The following ELAPOR2 variants were observed in gnomAD, a reference collection of about 807,000 sequenced individuals.
ELAPOR2 encodes the protein endosome/lysosome-associated apoptosis and autophagy regulator family member 2.
Under a neutral mutation model 120.7 loss-of-function variants are expected in ELAPOR2, and 89 were observed. That is an observed-to-expected ratio of 0.74 (90% CI 0.62 to 0.88). ELAPOR2 has a LOEUF of 0.88. Among genes scored for constraint, ELAPOR2 ranks in the 40% least tolerant of loss-of-function variants. The probability of loss-of-function intolerance (pLI) is 0.00; values close to 1 mark genes in which losing one functional copy is unlikely to be tolerated. For synonymous variants in ELAPOR2, 444 were observed against 444.9 expected, an observed-to-expected ratio of 1.00 and a Z score of 0.03; for missense variants, 1,134 against 1,251.6, an observed-to-expected ratio of 0.91 and a Z score of 1.42.
chr7:86,967,395 C>A (rs1212017558), intron 1 of ELAPOR2, among the ~76,000 whole-genome samples: 1 of 152,072 alleles, frequency 6.6e-6, no homozygotes, highest in African/African-American at 2.4e-5. Flanking sequence ...GCAGAGGTTG[C>A]AGTGAGCTGA....
chr7:86,962,618 C>T (rs935515660), intron 2 of ELAPOR2, among the ~76,000 whole-genome samples: 4 of 152,090 alleles, frequency 2.6e-5, no homozygotes, highest in African/African-American at 9.7e-5. Context: ...CTAGACCTGC[C>T]GCATCCGGGC....
At chr7:86,931,944 T>C (rs988886030) in intron 8 of ELAPOR2, among the ~76,000 whole-genome samples, 3 of 151,920 alleles carry the variant, frequency 2.0e-5, no homozygotes, top group East Asian at 1.9e-4. Flanking sequence ...CTTTTTCTCT[T>C]TGGGAACTGA....
intron 3 of ELAPOR2, 86 bp from the exon 4 acceptor site, chr7:86,945,132 T>G: frequency 5.6e-6 from 7 of 1,260,222 alleles, no homozygotes; most frequent in Non-Finnish European, 7.7e-6. Flanking sequence ...GATTCACGAG[T>G]AGTTCCATCA....
At chr7:87,045,396 G>A (rs1177616699) in intron 1 of ELAPOR2, among the ~76,000 whole-genome samples, 1 of 150,586 alleles carries the variant, frequency 6.6e-6, no homozygotes, top group Non-Finnish European at 1.5e-5. Context: ...AAGAAAATGT[G>A]GCACATATAC....
At chr7:86,892,888 T>C (rs1385535294) in intron 20 of ELAPOR2, 34 bp downstream of exon 20, 7 of 1,443,590 alleles carry the variant, frequency 4.8e-6, no homozygotes, top group Non-Finnish European at 6.4e-6. Flanking sequence ...ATAGGCCCTC[T>C]AGCTCTCTTG....
rs1790825387 is a variant in ELAPOR2 at position 86,942,105 on chromosome 7, C to A, written c.655-1G>T. On this transcript the variant is annotated splice_acceptor_variant, in intron 4 of 21. Transcript: ENST00000450689. LOFTEE classifies it high-confidence loss of function. Reference sequence around the variant, plus strand: ...TCTCCTGGCACTGATCATTTTGAATCTGTGGATTAAACACAAGAGCCCTAG... The same window carrying A: ...TCTCCTGGCACTGATCATTTTGAATATGTGGATTAAACACAAGAGCCCTAG... 1 of 1,536,680 alleles carries A rather than the reference C, an allele frequency of 6.5e-7. No individual in the cohort carries two copies. Among genetic ancestry groups the A allele is most frequent in the Admixed American group, 2.0e-5 (1 of 50,874 alleles).
intron 15 of ELAPOR2, chr7:86,911,823 C>T (rs1190876562): frequency 1.7e-6 from 1 of 577,186 alleles, no homozygotes; most frequent in African/African-American, 1.9e-5. Flanking sequence ...GCACTTACAC[C>T]ATAGCTCCAA....
At chr7:87,056,383 A>C (rs1562989572) in intron 1 of ELAPOR2, among the ~76,000 whole-genome samples, 1 of 152,210 alleles carries the variant, frequency 6.6e-6, no homozygotes, top group East Asian at 1.9e-4. Flanking sequence ...CCCATACAAA[A>C]ACCTGAGGAA....
intron 1 of ELAPOR2, among the ~76,000 whole-genome samples, chr7:87,014,718 A>T (rs1367647240): frequency 6.6e-6 from 1 of 152,134 alleles, no homozygotes; most frequent in African/African-American, 2.4e-5. Flanking sequence ...AATTTGCAAA[A>T]TTTTTCTCTT....
chr7:86,972,480 A>T (rs1792137200), intron 1 of ELAPOR2, among the ~76,000 whole-genome samples: 1 of 152,106 alleles, frequency 6.6e-6, no homozygotes, highest in South Asian at 2.1e-4. Context: ...TGCTCACAGA[A>T]TGTAAACCTT....
intron 6 of ELAPOR2, 22 bp downstream of exon 6, chr7:86,939,988 A>G: frequency 6.7e-7 from 1 of 1,502,286 alleles, no homozygotes; most frequent in Admixed American, 1.8e-5. Context: ...GGTGACTACT[A>G]AAACAGAATG....
intron 1 of ELAPOR2, among the ~76,000 whole-genome samples, chr7:87,005,276 AT>A (rs1793435826): frequency 6.6e-6 from 1 of 152,174 alleles, no homozygotes; most frequent in African/African-American, 2.4e-5. Flanking sequence ...ATGGCACATA[AT>A]GCTTTGATAA....
At chr7:86,919,977 G>T (rs896968769) in intron 10 of ELAPOR2, among the ~76,000 whole-genome samples, 1 of 152,050 alleles carries the variant, frequency 6.6e-6, no homozygotes, top group African/African-American at 2.4e-5. Flanking sequence ...AGTAAAATGA[G>T]GAAGAGAGAG....
chr7:87,007,620 T>C (rs1467147971), intron 1 of ELAPOR2, among the ~76,000 whole-genome samples: 1 of 152,154 alleles, frequency 6.6e-6, no homozygotes, highest in Non-Finnish European at 1.5e-5. Context: ...CTAAATATCA[T>C]CTTTGGTTCA....
intron 1 of ELAPOR2, among the ~76,000 whole-genome samples, chr7:87,053,114 T>C (rs1403348182): frequency 1.3e-5 from 2 of 152,176 alleles, no homozygotes; most frequent in Admixed American, 1.3e-4. Context: ...CTAGGGTTTA[T>C]TTCAGGGTCT....
At position 86,919,225 on chromosome 7, in the gene ELAPOR2, T is replaced by A. The variant is rs1008035148; in HGVS notation, c.1485A>T (p.Gly495=). ...ATTAGAATTGTTTTCCTTACTTAAA[T>A]CCTGGGATATGCAAGTTTAAGATCA... ...DYLILNLHIP[G]FKPPTSMTGA... The change falls in exon 11 of 22, where the codon GGA becomes GGT. Residue 495 remains glycine, a synonymous_variant. Transcript: ENST00000450689. 3.7e-6 allele frequency: 6 copies of A among 1,607,972 alleles called. No individual in the cohort carries two copies. In the African/African-American group the frequency reaches 8.0e-5, roughly 22 times the overall value.
intron 1 of ELAPOR2, among the ~76,000 whole-genome samples, chr7:87,033,605 G>C (rs899187685): frequency 1.3e-5 from 2 of 151,974 alleles, no homozygotes; most frequent in East Asian, 3.9e-4. Context: ...CTAAAAATAT[G>C]ACATTTTTTC....
At chr7:87,040,497 G>T (rs981649293) in intron 1 of ELAPOR2, among the ~76,000 whole-genome samples, 1 of 152,180 alleles carries the variant, frequency 6.6e-6, no homozygotes, top group Non-Finnish European at 1.5e-5. Context: ...CCCCCCAGCA[G>T]GGGCACACTG....
At chr7:86,924,810 C>G (rs1327839668) in intron 10 of ELAPOR2, among the ~76,000 whole-genome samples, 1 of 151,148 alleles carries the variant, frequency 6.6e-6, no homozygotes, top group Non-Finnish European at 1.5e-5. Context: ...TACGTGTTTA[C>G]AATAATTAAA....
Sources: gnomAD v4.1 joint callset for allele counts (sites outside exome capture counted in the v4.1 genomes callset) on GRCh38, gnomAD v4.1.1 for gene constraint, MANE v1.5 for transcripts, NCBI Gene and HGNC (gene_info 2026-07-23, HGNC 2026-07-21) for gene names.